Variants in TAPT1 observed in about 807,000 individuals in gnomAD.
TAPT1 encodes transmembrane anterior posterior transformation 1.
TAPT1 carries 28 observed loss-of-function variants against 65.6 expected under a neutral mutation model. The ratio of observed to expected loss-of-function variants is 0.43; its 90% CI spans 0.32 to 0.59. The LOEUF (loss-of-function observed/expected upper bound fraction) is 0.59, where lower values mean the gene tolerates loss of function less well. TAPT1 is among the 20% of genes least tolerant of loss of function. TAPT1 has a pLI of 0.09. For missense variants in TAPT1, 563 were observed against 679.9 expected, an observed-to-expected ratio of 0.83 and a Z score of 1.91; for synonymous variants, 278 against 245.2, an observed-to-expected ratio of 1.13 and a Z score of -1.25.
chr4:16,190,321 T>C (rs1749288375), intron 4 of TAPT1: 2 of 152,028 alleles, frequency 1.3e-5, no homozygotes, highest in Non-Finnish European at 2.9e-5. Flanking sequence ...AAATAAAATA[T>C]AAAAACGCAA....
chr4:16,218,610 G>A (rs1228273326), intron 1 of TAPT1, among the ~76,000 whole-genome samples: 15 of 152,130 alleles, frequency 9.9e-5, no homozygotes, highest in Non-Finnish European at 1.6e-4. Flanking sequence ...CAATTTCACC[G>A]AAAAGAAAAT....
intron 1 of TAPT1, among the ~76,000 whole-genome samples, chr4:16,215,234 T>A (rs529344269): frequency 6.6e-6 from 1 of 152,010 alleles, no homozygotes; most frequent in Non-Finnish European, 1.5e-5. Flanking sequence ...GAGGTTGCAG[T>A]AAGCCGAGAT....
At chr4:16,163,725 C>G (rs1747401695) in intron 13 of TAPT1, among the ~76,000 whole-genome samples, 188 bp from the exon 14 acceptor site, 2 of 152,232 alleles carry the variant, frequency 1.3e-5, no homozygotes, top group Admixed American at 1.3e-4. Context: ...GGCTAATCAT[C>G]TGTTTGTTCA....
At chr4:16,206,556 G>A (rs542142170) in intron 2 of TAPT1, among the ~76,000 whole-genome samples, 96 of 151,982 alleles carry the variant, frequency 6.3e-4, no homozygotes, top group African/African-American at 2.2e-3. Context: ...TCTTAGCTGC[G>A]GCTCTAGGCT....
intron 2 of TAPT1, among the ~76,000 whole-genome samples, chr4:16,205,983 T>A (rs957488396): frequency 6.6e-6 from 1 of 152,230 alleles, no homozygotes; most frequent in Non-Finnish European, 1.5e-5. Context: ...AGAATGAAGA[T>A]GTTCTCAATA....
chr4:16,180,802 A>G (rs1398488935), intron 7 of TAPT1, among the ~76,000 whole-genome samples: 1 of 152,036 alleles, frequency 6.6e-6, no homozygotes, highest in Non-Finnish European at 1.5e-5. Flanking sequence ...AGGGTAGCTC[A>G]CCTCCTTATT....
intron 8 of TAPT1, chr4:16,179,365 T>C: frequency 4.8e-6 from 2 of 420,070 alleles, no homozygotes; most frequent in South Asian, 4.7e-5. Context: ...ATTTTTCAGG[T>C]CCATTAGAAT....
intron 8 of TAPT1, 94 bp downstream of exon 8, chr4:16,179,483 G>A (rs1748573270): frequency 2.8e-6 from 2 of 723,092 alleles, no homozygotes; most frequent in Non-Finnish European, 4.3e-6. Flanking sequence ...AAGTCTTTTG[G>A]AGTTTTCTGC....
Position 16,174,116 on chromosome 4 carries a change from T to C in TAPT1, c.1236+88A>G, listed in dbSNP as rs1279040572. On this transcript the variant is annotated intron_variant, in intron 11 of 13. Transcript: ENST00000405303. ...CCCTTAATTTTTATATCAAGTCCTT[T>C]TGAAACAATCATATTAATAATCCAT... 4 of 1,144,086 alleles carry C rather than the reference T, an allele frequency of 3.5e-6. No individual in the cohort carries two copies. The African/African-American group carries it at 4.8e-5, about 14-fold the overall frequency. The allele number at this position is 1,144,086 out of a possible 1,614,324, so 70.9% of individuals were successfully genotyped here.
intron 1 of TAPT1, among the ~76,000 whole-genome samples, chr4:16,217,276 A>G (rs757032844): frequency 9.9e-5 from 15 of 152,232 alleles, no homozygotes; most frequent in Non-Finnish European, 2.1e-4. Context: ...GACCCAGCAC[A>G]TAACAGGTAC....
At chr4:16,186,756 A>C in intron 6 of TAPT1, 25 bp downstream of exon 6, 1 of 1,541,208 alleles carries the variant, frequency 6.5e-7, no homozygotes, top group Non-Finnish European at 8.9e-7. Flanking sequence ...TAACTTCAAA[A>C]ATGTAAGATA....
At chr4:16,202,203 A>G (rs1750074663) in intron 3 of TAPT1, among the ~76,000 whole-genome samples, 1 of 152,164 alleles carries the variant, frequency 6.6e-6, no homozygotes, top group Non-Finnish European at 1.5e-5. Flanking sequence ...ACACTGCTAC[A>G]AAGCCTCCAG....
Position 16,226,401 on chromosome 4 carries a change from G to A in TAPT1, c.57C>T (p.Asp19=). The A allele has an allele frequency of 1.8e-6, 2 of 1,093,236 alleles. No individual in the cohort carries two copies. The highest frequency in any genetic ancestry group is 2.2e-6 in the Non-Finnish European group (2 of 900,630). The allele number at this position is 1,093,236 out of a possible 1,614,324, so 67.7% of individuals were successfully genotyped here. A position where few individuals can be genotyped will look rare whatever the true frequency, so the allele number is the denominator to read the frequency against. Residue 19 remains aspartate (D), a synonymous_variant, in exon 1 of 14, where the codon GAC becomes GAT. Transcript: ENST00000405303. ...CGCCGCGGCCGTCCCGCTGCGGGCC[G>A]TCCACGCCGCCACCGCCGCCTTCTC... ...APGEGGGGGV[D]GPQRDGRGEA...
chr4:16,173,724 G>A (rs1365650467), intron 11 of TAPT1, among the ~76,000 whole-genome samples: 2 of 152,150 alleles, frequency 1.3e-5, no homozygotes, highest in African/African-American at 4.8e-5. Flanking sequence ...AAATGTCACT[G>A]AAATGCAAAG....
At chr4:16,218,569 A>T (rs1238513826) in intron 1 of TAPT1, among the ~76,000 whole-genome samples, 1 of 152,232 alleles carries the variant, frequency 6.6e-6, no homozygotes, top group African/African-American at 2.4e-5. Context: ...CTTAAACATT[A>T]GTCCTGTGAC....
chr4:16,205,759 G>A (rs1188627986), intron 2 of TAPT1, among the ~76,000 whole-genome samples: 1 of 152,108 alleles, frequency 6.6e-6, no homozygotes, highest in Non-Finnish European at 1.5e-5. Flanking sequence ...TACAATGTGA[G>A]TAGCCTCCTA....
At chr4:16,202,602 A>C in intron 2 of TAPT1, 22 bp from the exon 3 acceptor site, 5 of 1,274,834 alleles carry the variant, frequency 3.9e-6, no homozygotes, top group Non-Finnish European at 5.4e-6. Flanking sequence ...CAAGGAGAGA[A>C]GAAAAAAAAA....
intron 11 of TAPT1, among the ~76,000 whole-genome samples, chr4:16,171,118 G>A (rs964235752): frequency 6.6e-6 from 1 of 152,116 alleles, no homozygotes; most frequent in African/African-American, 2.4e-5. Context: ...CTTGCTACAC[G>A]TGTCCACACC....
At chr4:16,205,896 A>T (rs998579227) in intron 2 of TAPT1, among the ~76,000 whole-genome samples, 4 of 152,200 alleles carry the variant, frequency 2.6e-5, no homozygotes, top group Non-Finnish European at 5.9e-5. Context: ...TTTCACTTAT[A>T]GCTCTTTTAT....
Sources: gnomAD v4.1 joint callset for allele counts (sites outside exome capture counted in the v4.1 genomes callset) on GRCh38, gnomAD v4.1.1 for gene constraint, MANE v1.5 for transcripts, NCBI Gene and HGNC (gene_info 2026-07-23, HGNC 2026-07-21) for gene names.